Variants in TTN observed in about 807,000 individuals in gnomAD.
TTN encodes connectin.
TTN carries 1,525 observed loss-of-function variants against 3,223.0 expected under a neutral mutation model. That is an observed-to-expected ratio of 0.47 (90% CI 0.45 to 0.49). The LOEUF is 0.49. TTN is among the 20% of genes least tolerant of loss of function. The pLI, the probability that TTN is intolerant of heterozygous loss-of-function variation, is 0.00. For synonymous variants in TTN, 14,094 were observed against 15,161.0 expected, an observed-to-expected ratio of 0.93 and a Z score of 5.17; for missense variants, 40,786 against 43,424.0, an observed-to-expected ratio of 0.94 and a Z score of 5.40.
rs915060068 is a variant in TTN, at chr2:178,732,909, C to A, written c.16267G>T (p.Asp5423Tyr). Residue 5423 changes from aspartate (D) to tyrosine (Y), a missense_variant, in exon 55 of 363, where the codon GAT (aspartate) becomes TAT (tyrosine). Coordinates refer to ENST00000589042, the MANE Select transcript of TTN (RefSeq NM_001267550.2). ...GCTCGACAAGTGAAATTCCCTGCAT[C>A]ATTCATGTCTACTCTGATGATCTCC... ...SLEIIRVDMN[D>Y]AGNFTCRATN... is the part of the protein sequence containing the mutation. The A allele has an allele frequency of 1.2e-6, 2 of 1,613,408 alleles. No homozygotes were observed. Among genetic ancestry groups the A allele is most frequent in the African/African-American group, 1.3e-5 (1 of 74,910 alleles).
At chr2:178,696,311 A>T in intron 113 of TTN, 42 bp from the exon 114 acceptor site, 1 of 1,429,592 alleles carries the variant, frequency 7.0e-7, no homozygotes. Context: ...AATTCTATCC[A>T]TCCAACTGCT....
Position 178,543,136 on chromosome 2 carries a change from T to G in TTN, c.96837A>C (p.Ala32279=), listed in dbSNP as rs1232489828. The G allele has an allele frequency of 6.8e-6, 11 of 1,612,014 alleles. No individual in the cohort carries two copies. The highest frequency in any genetic ancestry group is 3.3e-5 in the Admixed American group (2 of 59,954). Residue 32279 remains alanine (A), a synonymous_variant, in exon 347 of 363, where the codon GCA becomes GCC. Coordinates refer to ENST00000589042, the MANE Select transcript of TTN (RefSeq NM_001267550.2). ...EGEQYLFRIR[A]QNEKGVSEPR... ...GTTCTGACACACCTTTCTCATTTTG[T>G]GCCCTTATTCTAAATAAGTATTGTT... is the stretch of plus-strand genomic sequence containing the variant.
intron 112 of TTN, 123 bp downstream of exon 112, chr2:178,698,720 G>T: frequency 1.1e-6 from 1 of 880,294 alleles, no homozygotes; most frequent in Non-Finnish European, 1.7e-6. Flanking sequence ...GAAAGTGAGT[G>T]AAGGGAGAGG....
rs1203566511 is a variant in TTN at position 178,584,705 on chromosome 2, G to A, written c.64936C>T (p.Leu21646Phe). Residue 21646 changes from leucine to phenylalanine, a missense_variant, in exon 310 of 363, where the codon CTC (leucine) becomes TTC (phenylalanine). By Grantham distance (22) the Leu-to-Phe change is conservative (BLOSUM62 0). Coordinates refer to ENST00000589042, the MANE Select transcript of TTN (RefSeq NM_001267550.2). ...TGCGCAACCATCTTTGGAGATGTGAGAGGCTCTGAAATGCCAAATCGGTTT... is the reference window on the plus strand; with the variant it reads ...TGCGCAACCATCTTTGGAGATGTGAAAGGCTCTGAAATGCCAAATCGGTTT... ...AENRFGISEP[L>F]TSPKMVAQFP... is the part of the protein sequence containing the mutation. 6.2e-7 allele frequency: 1 copy of A among 1,613,444 alleles called. No individual in the cohort carries two copies. The highest frequency in any genetic ancestry group is 8.5e-7 in the Non-Finnish European group (1 of 1,179,562).
chr2:178,546,301 A>G lies in TTN; in HGVS notation c.95030T>C (p.Phe31677Ser). ...TGKRATAVIK[F>S]CDRSDSGKYT... ...TTTTCCACTGTCACTTCTGTCACAGAACTTGATCACAGCAGTTGCTCGTTT... is the reference window on the plus strand; with the variant it reads ...TTTTCCACTGTCACTTCTGTCACAGGACTTGATCACAGCAGTTGCTCGTTT... Residue 31677 changes from phenylalanine (F) to serine (S), a missense_variant, in exon 342 of 363, where the codon TTC becomes TCC. Physicochemically the swap from Phe to Ser is radical, Grantham distance 155 (BLOSUM62 -2). Transcript: ENST00000589042. 1 of 1,613,866 alleles carries G rather than the reference A, an allele frequency of 6.2e-7. No homozygotes were observed. The highest frequency in any genetic ancestry group is 8.5e-7 in the Non-Finnish European group (1 of 1,179,782).
rs760281559 is a variant in TTN at position 178,756,511 on chromosome 2, G to T, written c.10965C>A (p.Ser3655=). The T allele has an allele frequency of 4.3e-6, 7 of 1,613,522 alleles. No individual in the cohort carries two copies. Among genetic ancestry groups the T allele is most frequent in the Non-Finnish European group, 5.9e-6 (7 of 1,179,768 alleles). ...TELSKECAKE[S]TGEAPKIFLH... ...GGAAAATCTTGGGCGCCTCACCCGT[G>T]GACTCTTTAGCACATTCCTTAGATA... Residue 3655 remains serine (S), a synonymous_variant, in exon 46 of 363, where the codon TCC becomes TCA. Coordinates refer to ENST00000589042, the MANE Select transcript of TTN (RefSeq NM_001267550.2).
chr2:178,636,065 C>A lies in TTN; in HGVS notation c.41506G>T (p.Ala13836Ser), dbSNP rs1326857970. The change falls in exon 226 of 363, where the codon GCT becomes TCT. Residue 13836 changes from alanine to serine, a missense_variant. Ala to Ser is a moderately conservative substitution (Grantham distance 99). Transcript: ENST00000589042. The surrounding 1 kb of genome is among the most constrained non-coding windows in gnomAD (Gnocchi z 4.3). ...TCATCTGCATCGTTGATGGTCAGAG[C>A]CCGCATCAAGCCAATGACGCCTGGC... ...IVPGVIGLMR[A>S]LTINDADDTD... 6.2e-7 allele frequency: 1 copy of A among 1,613,234 alleles called. No individual in the cohort carries two copies. Among genetic ancestry groups the A allele is most frequent in the Non-Finnish European group, 8.5e-7 (1 of 1,179,526 alleles).
rs1318521268 is a variant in TTN, at chr2:178,722,420, C to T, written c.22367G>A (p.Gly7456Glu). The T allele has an allele frequency of 6.2e-7, 1 of 1,613,386 alleles. No homozygotes were observed. Among genetic ancestry groups the T allele is most frequent in the South Asian group, 1.1e-5 (1 of 91,056 alleles). The change falls in exon 77 of 363, where the codon GGA becomes GAA. Residue 7456 changes from glycine (G) to glutamate (E), a missense_variant. Coordinates refer to ENST00000589042, the MANE Select transcript of TTN (RefSeq NM_001267550.2). The stretch of plus-strand genomic sequence containing the variant: ...ATTTTCATCGTCTCTTAAAAGTACT[C>T]CATCTCTATACCAGCACACTTGGAT... ...APIQVCWYRD[G>E]VLLRDDENLQ...
Position 178,568,616 on chromosome 2 carries a change from T to C in TTN, c.77516A>G (p.Lys25839Arg). The C allele has an allele frequency of 1.9e-6, 3 of 1,613,418 alleles. 1 individual carries two copies. The highest frequency in any genetic ancestry group is 8.5e-7 in the Non-Finnish European group (1 of 1,179,540). Residue 25839 changes from lysine (K) to arginine (R), a missense_variant, in exon 326 of 363, where the codon AAG becomes AGG. Coordinates refer to ENST00000589042, the MANE Select transcript of TTN (RefSeq NM_001267550.2). Reference sequence around the variant, plus strand: ...GGTAACATTGATTCTTGTGGTCTGCTTCAGTGGGAGACCATCTTTAGTCCA... The same window carrying C: ...GGTAACATTGATTCTTGTGGTCTGCCTCAGTGGGAGACCATCTTTAGTCCA... ...ITWTKDGLPL[K>R]QTTRINVTDS...
At chr2:178,751,952 A>G (rs745575486) in intron 47 of TTN, 4 of 1,589,084 alleles carry the variant, frequency 2.5e-6, no homozygotes, top group Non-Finnish European at 2.6e-6. Flanking sequence ...TTTAGCAGCC[A>G]TGGATTTGTG....
chr2:178,585,346 C>A lies in TTN; in HGVS notation c.64398G>T (p.Leu21466Phe), dbSNP rs1194410087. 6.4e-7 allele frequency: 1 copy of A among 1,567,534 alleles called. No individual in the cohort carries two copies. Among genetic ancestry groups the A allele is most frequent in the Admixed American group, 1.9e-5 (1 of 51,572 alleles). ...EGVYEAKEQL[L>F]PPKILMPEQI... ...GCTCTGGCATAAGGATCTTTGGTGG[C>A]ACTGAAAGTAAAATGAAAAGATATT... The change falls in exon 309 of 363, where the codon TTG becomes TTT. Residue 21466 changes from leucine to phenylalanine, a missense_variant and splice_region_variant. Transcript: ENST00000589042.
chr2:178,732,387 G>A, intron 56 of TTN, 40 bp from the exon 57 acceptor site: 5 of 1,574,728 alleles, frequency 3.2e-6, no homozygotes, highest in Non-Finnish European at 2.6e-6. Flanking sequence ...GTGAGAAAGA[G>A]GAAAGAATTT....
At chr2:178,614,776 TG>T (rs1342164982) in intron 260 of TTN, 23 bp from the exon 261 acceptor site, 1 of 1,602,942 alleles carries the variant, frequency 6.2e-7, no homozygotes, top group African/African-American at 1.3e-5. Context: ...AGATTATTTA[TG>T]ATGTTATCAA....
intron 226 of TTN, 57 bp from the exon 227 acceptor site, chr2:178,635,772 G>T: frequency 2.0e-6 from 3 of 1,535,234 alleles, no homozygotes; most frequent in Non-Finnish European, 2.6e-6. Flanking sequence ...AATATACATA[G>T]CTTCCTTAGT....
chr2:178,731,048 C>T lies in TTN; in HGVS notation c.17617G>A (p.Val5873Ile). ...TTCAGTATTGAGACTGTATCAGTGACACTGATTTTATATTTTGAGCCCAGG... is the reference window on the plus strand; with the variant it reads ...TTCAGTATTGAGACTGTATCAGTGATACTGATTTTATATTTTGAGCCCAGG... ...LTLGSKYKIS[V>I]TDTVSILKII... Residue 5873 changes from valine to isoleucine, a missense_variant, in exon 60 of 363, where the codon GTC becomes ATC. Val to Ile is a conservative substitution (Grantham distance 29, BLOSUM62 3). Transcript: ENST00000589042. 1.2e-6 allele frequency: 2 copies of T among 1,613,656 alleles called. No individual in the cohort carries two copies. Among genetic ancestry groups the T allele is most frequent in the African/African-American group, 1.3e-5 (1 of 74,988 alleles).
rs1184038855 is a variant in TTN at position 178,718,846 on chromosome 2, C to G, written c.24354G>C (p.Leu8118=). The G allele has an allele frequency of 6.2e-7, 1 of 1,613,576 alleles. No homozygotes were observed. The highest frequency in any genetic ancestry group is 8.5e-7 in the Non-Finnish European group (1 of 1,179,734). Residue 8118 remains leucine, a synonymous_variant, in exon 84 of 363, where the codon CTG becomes CTC. Transcript: ENST00000589042. The part of the protein sequence containing the change: ...KVKWFKGSRE[L]VPGESCNISL... ...AGATGTTGCATGACTCCCCAGGCAC[C>G]AGTTCCCTGCTGCCTTTAAACCACT...
rs373348905 is a variant in TTN, at chr2:178,725,539, T to G, written c.20665A>C (p.Lys6889Gln). The G allele has an allele frequency of 6.2e-7, 1 of 1,613,192 alleles. No individual in the cohort carries two copies. The highest frequency in any genetic ancestry group is 8.5e-7 in the Non-Finnish European group (1 of 1,179,498). Reference protein sequence around the residue: ...GAQPIFVQWLKEKEEVIRESE... With the variant: ...GAQPIFVQWLQEKEEVIRESE... ...TCTCTAATCACTTCTTCCTTCTCTT[T>G]AAGCCACTGGACAAAAATAGGCTGG... Residue 6889 changes from lysine (K) to glutamine (Q), a missense_variant, in exon 71 of 363, where the codon AAA (lysine) becomes CAA (glutamine). Lys to Gln is a moderately conservative substitution (Grantham distance 53, BLOSUM62 1). Transcript: ENST00000589042.
At chr2:178,702,708 G>A (rs1408007762) in intron 106 of TTN, 45 bp from the exon 107 acceptor site, 1 of 1,510,334 alleles carries the variant, frequency 6.6e-7, no homozygotes, top group Non-Finnish European at 8.9e-7. Flanking sequence ...ATATAGAGAG[G>A]AATTTCTTTT....
Position 178,541,317 on chromosome 2 carries a change from C to G in TTN, c.97760G>C (p.Arg32587Pro), listed in dbSNP as rs55704830. 527 of 1,546,346 alleles carry G rather than the reference C, an allele frequency of 3.4e-4. No homozygotes were observed. The African/African-American group carries it at 6.4e-3, about 19-fold the overall frequency. ...CATGGCAACGATGGGTTTGGAAGGACGACTTGGTTTCCCAGACCCTCTTGC... is the reference window on the plus strand; with the variant it reads ...CATGGCAACGATGGGTTTGGAAGGAGGACTTGGTTTCCCAGACCCTCTTGC... The part of the protein sequence containing the change: ...INARGSGKPS[R>P]PSKPIVAMDP... The change falls in exon 350 of 363, where the codon CGT becomes CCT. Residue 32587 changes from arginine to proline, a missense_variant. Coordinates refer to ENST00000589042, the MANE Select transcript of TTN (RefSeq NM_001267550.2).
Sources: gnomAD v4.1 joint callset for allele counts on GRCh38, gnomAD v4.1.1 for gene constraint, Gnocchi (gnomAD v3.1) non-coding constraint, MANE v1.5 for transcripts, NCBI Gene and HGNC (gene_info 2026-07-23, HGNC 2026-07-21) for gene names.